Variants in RYR3 observed in about 807,000 individuals in gnomAD.
RYR3 encodes the protein brain ryanodine receptor-calcium release channel.
RYR3 carries 207 observed loss-of-function variants against 584.3 expected under a neutral mutation model. That is an observed-to-expected ratio of 0.35 (90% CI 0.32 to 0.40). RYR3 has a LOEUF of 0.40. Among genes scored for constraint, RYR3 ranks in the 10% least tolerant of loss-of-function variants. The probability of loss-of-function intolerance (pLI) is 1.00; values close to 1 mark genes in which losing one functional copy is unlikely to be tolerated. For missense variants in RYR3, 5,616 were observed against 6,089.2 expected (o/e 0.92, Z 2.59); for synonymous variants, 2,416 against 2,248.5 (o/e 1.07, Z -2.11).
chr15:33,575,315 G>T (rs1023970151), intron 12 of RYR3, among the ~76,000 whole-genome samples: 2 of 152,148 alleles, frequency 1.3e-5, no homozygotes, highest in Non-Finnish European at 2.9e-5. Flanking sequence ...AAAAACAACA[G>T]AATATACATT....
intron 78 of RYR3, 120 bp from the exon 79 acceptor site, chr15:33,821,150 C>T: frequency 1.4e-6 from 1 of 729,582 alleles, no homozygotes; most frequent in Non-Finnish European, 2.3e-6. Context: ...TCTGCTTTAT[C>T]CAAGTTGATG....
At chr15:33,790,272 C>A (rs543610625) in intron 67 of RYR3, among the ~76,000 whole-genome samples, 1 of 151,144 alleles carries the variant, frequency 6.6e-6, no homozygotes, top group South Asian at 2.1e-4. Context: ...GGATTACAGG[C>A]GTGAGCCACC....
At position 33,586,083 on chromosome 15, in the gene RYR3, C is replaced by T; in HGVS notation, c.1755C>T (p.Ile585=). The T allele has an allele frequency of 6.2e-7, 1 of 1,612,842 alleles. No individual in the cohort carries two copies. The highest frequency in any genetic ancestry group is 1.3e-5 in the African/African-American group (1 of 75,020). ...LIAEGHIKSI[I]SLLDKHGRNH... The stretch of plus-strand genomic sequence containing the variant: ...CGGAGGGCCACATCAAGTCGATCAT[C>T]TCCCTGTTGGATAAGCACGGGCGGA... The change falls in exon 16 of 104, where the codon ATC becomes ATT. Residue 585 remains isoleucine, a synonymous_variant. Transcript: ENST00000634891.
chr15:33,715,392 T>A (rs1307616605), intron 43 of RYR3, among the ~76,000 whole-genome samples: 1 of 152,162 alleles, frequency 6.6e-6, no homozygotes, highest in Admixed American at 6.5e-5. Context: ...TGGCAAAAGA[T>A]TTAAATAACA....
intron 38 of RYR3, among the ~76,000 whole-genome samples, chr15:33,671,234 G>A (rs2063819045): frequency 6.6e-6 from 1 of 152,166 alleles, no homozygotes; most frequent in Middle Eastern, 3.2e-3. Context: ...AGATTGTCTT[G>A]TCTGAGTATT....
At position 33,857,848 on chromosome 15, in the gene RYR3, C is replaced by T. The variant is rs1351630961; in HGVS notation, c.14076C>T (p.Phe4692=). 1 of 1,614,186 alleles carries T rather than the reference C, an allele frequency of 6.2e-7. No individual in the cohort carries two copies. Residue 4692 remains phenylalanine (F), a synonymous_variant, in exon 99 of 104, where the codon TTC becomes TTT. Transcript: ENST00000634891. ...ATACTGTGGTGGCTTTCAACTTCTTCCGCAAGTTCTACAACAAAAGCGAAG... is the reference window on the plus strand; with the variant it reads ...ATACTGTGGTGGCTTTCAACTTCTTTCGCAAGTTCTACAACAAAAGCGAAG... The part of the protein sequence containing the change: ...YLYTVVAFNF[F]RKFYNKSEDD...
chr15:33,530,767 A>G, intron 4 of RYR3, 101 bp downstream of exon 4: 1 of 845,872 alleles, frequency 1.2e-6, no homozygotes, highest in Non-Finnish European at 2.0e-6. Context: ...AGCAGGAACA[A>G]TTGGAACATA....
At chr15:33,313,273 G>T (rs1388695256) in intron 1 of RYR3, among the ~76,000 whole-genome samples, 4 of 152,312 alleles carry the variant, frequency 2.6e-5, no homozygotes, top group Non-Finnish European at 4.4e-5. Context: ...GAACATAGCT[G>T]TTGACAAGTT....
chr15:33,860,129 G>C (rs2153014862), intron 100 of RYR3, among the ~76,000 whole-genome samples: 1 of 152,256 alleles, frequency 6.6e-6, no homozygotes, highest in Middle Eastern at 3.4e-3. Flanking sequence ...TTAGTCAACA[G>C]CTTGTCAAGA....
intron 38 of RYR3, among the ~76,000 whole-genome samples, chr15:33,681,820 CAA>C (rs781528318): frequency 1.3e-5 from 2 of 152,074 alleles, no homozygotes; most frequent in Non-Finnish European, 2.9e-5. Context: ...CTTTTTCTTC[CAA>C]ACTGACCCAG....
At chr15:33,626,436 C>T (rs1049336649) in intron 20 of RYR3, among the ~76,000 whole-genome samples, 10 of 151,964 alleles carry the variant, frequency 6.6e-5, no homozygotes, top group Admixed American at 3.3e-4. Flanking sequence ...GGAAGCAGAG[C>T]GTAAAAGTTT....
intron 1 of RYR3, among the ~76,000 whole-genome samples, chr15:33,358,655 T>TAAA (rs35316835): frequency 4.4e-5 from 6 of 135,778 alleles, no homozygotes; most frequent in South Asian, 2.5e-4. Context: ...GTGGTATCGT[T>TAAA]AAAAAAAAAA....
intron 19 of RYR3, among the ~76,000 whole-genome samples, chr15:33,615,663 C>G (rs1483307274): frequency 1.3e-5 from 2 of 152,176 alleles, no homozygotes; most frequent in Non-Finnish European, 2.9e-5. Context: ...TCTGCAGGCA[C>G]TGTGTTCTAA....
rs960860456 is a variant in RYR3 at position 33,748,246 on chromosome 15, T to A, written c.8122T>A (p.Ser2708Thr). ...QRENEKLRSV[S>T]QANQGNSYSP... ...GGAAAATGAGAAGCTTCGAAGTGTG[T>A]CCCAGGCCAACCAGGTATGACACCA... Residue 2708 changes from serine to threonine, a missense_variant, in exon 54 of 104, where the codon TCC becomes ACC. Physicochemically the swap from Ser to Thr is moderately conservative, Grantham distance 58. This residue lies in a region of RYR3 where 1,280 missense variants were observed against 1,426.2 expected (regional missense o/e 0.90). Coordinates refer to ENST00000634891, the MANE Select transcript of RYR3 (RefSeq NM_001036.6). 14 of 1,613,752 alleles carry A rather than the reference T, an allele frequency of 8.7e-6. No individual in the cohort carries two copies. The highest frequency in any genetic ancestry group is 1.2e-5 in the Non-Finnish European group (14 of 1,179,836).
chr15:33,801,032 G>C (rs186744517), intron 68 of RYR3, among the ~76,000 whole-genome samples, 175 bp downstream of exon 68: 1 of 152,360 alleles, frequency 6.6e-6, no homozygotes, highest in East Asian at 1.9e-4. Flanking sequence ...TGTGCCCAAG[G>C]TGGTTGGGTT....
rs1309793505 is a variant in RYR3 at position 33,628,369 on chromosome 15, C to G, written c.2575-102C>G. ...AGCATGAGGTCGGATACTGCAGCTCCTCCTGGGTGATGTGCCAATTCAAGT... is the reference window on the plus strand; with the variant it reads ...AGCATGAGGTCGGATACTGCAGCTCGTCCTGGGTGATGTGCCAATTCAAGT... On this transcript the variant is annotated intron_variant, in intron 20 of 103. Transcript: ENST00000634891. The G allele has an allele frequency of 1.3e-5, 10 of 745,908 alleles. No homozygotes were observed. In the East Asian group the frequency reaches 2.4e-4, roughly 18 times the overall value. The allele number at this position is 745,908 out of a possible 1,614,324, so 46.2% of individuals were successfully genotyped here.
chr15:33,643,454 G>A (rs745911076), intron 27 of RYR3, among the ~76,000 whole-genome samples: 4 of 152,152 alleles, frequency 2.6e-5, no homozygotes, highest in Non-Finnish European at 5.9e-5. Flanking sequence ...TTTTTAATAC[G>A]ATCAAGCTAC....
At position 33,854,762 on chromosome 15, in the gene RYR3, C is replaced by G. The variant is rs201701548; in HGVS notation, c.13861-4C>G. The G allele has an allele frequency of 3.4e-5, 54 of 1,598,522 alleles. 1 individual carries two copies. Among genetic ancestry groups the G allele is most frequent in the East Asian group, 2.2e-4 (10 of 44,652 alleles). ...CTTAAAAGTCTGCTTTCTTCCATTC[C>G]CAGTCCTTTCTCTACCTTGCCTGGT... On this transcript the variant is annotated splice_region_variant and splice_polypyrimidine_tract_variant and intron_variant, in intron 97 of 103. Coordinates refer to ENST00000634891, the MANE Select transcript of RYR3 (RefSeq NM_001036.6).
At chr15:33,515,384 T>C (rs998600693) in intron 3 of RYR3, among the ~76,000 whole-genome samples, 1 of 152,232 alleles carries the variant, frequency 6.6e-6, no homozygotes, top group Admixed American at 6.5e-5. Context: ...CACAAATCCA[T>C]GCTTTATTAG....
Sources: allele counts gnomAD v4.1 joint callset (sites outside exome capture counted in the v4.1 genomes callset), GRCh38; gene constraint gnomAD v4.1.1; regional missense constraint gnomAD v4.1.1; transcripts MANE v1.5; gene names NCBI Gene and HGNC (gene_info 2026-07-23, HGNC 2026-07-21).